The following PYGB variants were observed in gnomAD, a reference collection of about 807,000 sequenced individuals.
The protein encoded by PYGB is glycogen phosphorylase B.
PYGB carries 82 observed loss-of-function variants against 94.3 expected under a neutral mutation model. That is an observed-to-expected ratio of 0.87 (90% confidence interval 0.73 to 1.04). The LOEUF is 1.04. PYGB is among the 50% of genes least tolerant of loss of function. The pLI is 0.00. For synonymous variants in PYGB, 488 were observed against 479.1 expected, an observed-to-expected ratio of 1.02 and a Z score of -0.24; for missense variants, 1,132 against 1,158.2, an observed-to-expected ratio of 0.98 and a Z score of 0.33.
chr20:25,260,093 T>G (rs1160577296), intron 2 of PYGB, among the ~76,000 whole-genome samples: 1 of 152,148 alleles, frequency 6.6e-6, no homozygotes, highest in Non-Finnish European at 1.5e-5. Flanking sequence ...CAACATTGCC[T>G]GGGGCTCCGT....
intron 2 of PYGB, among the ~76,000 whole-genome samples, chr20:25,267,463 C>T (rs1341111034): frequency 1.3e-5 from 2 of 152,194 alleles, no homozygotes; most frequent in Non-Finnish European, 2.9e-5. Flanking sequence ...TACTGCAGTG[C>T]TCTTTTTCTG....
At chr20:25,264,315 A>G (rs963479040) in intron 2 of PYGB, among the ~76,000 whole-genome samples, 3 of 152,324 alleles carry the variant, frequency 2.0e-5, no homozygotes, top group East Asian at 1.9e-4. Context: ...CCCACAGCCA[A>G]TATCATAGTG....
At chr20:25,294,996 T>C in intron 18 of PYGB, 1 of 1,614,228 alleles carries the variant, frequency 6.2e-7, no homozygotes, top group Non-Finnish European at 8.5e-7. Context: ...GACCACATGC[T>C]GGGATCTGGG....
At chr20:25,262,228 A>G (rs572687786) in intron 2 of PYGB, among the ~76,000 whole-genome samples, 29 of 152,368 alleles carry the variant, frequency 1.9e-4, no homozygotes, top group African/African-American at 7.0e-4. Context: ...GCAACCAGAG[A>G]GAAAGGTTGG....
Position 25,284,100 on chromosome 20 carries a change from C to T in PYGB, c.1621-4C>T, listed in dbSNP as rs200133042. 6.9e-5 allele frequency: 112 copies of T among 1,613,496 alleles called. No homozygotes were observed. The African/African-American group carries it at 1.3e-3, about 19-fold the overall frequency. On this transcript the variant is annotated splice_region_variant and splice_polypyrimidine_tract_variant and intron_variant, in intron 13 of 19. Transcript: ENST00000216962. ...CCAGCCATCTTTCCCTTTCACCCTC[C>T]CAGGAGAACAAGCTCAAGTTCTCGG...
At position 25,281,111 on chromosome 20, in the gene PYGB, G is replaced by A; in HGVS notation, c.1402G>A (p.Val468Ile). ...CCACTCGGAGATCGTGAAACAGTCG[G>A]TGTGAGTGGGGCGCTTGCCCGAGCG... ...RIHSEIVKQSVFKDFYELEPE... is the reference protein window; with the variant it reads ...RIHSEIVKQSIFKDFYELEPE... The change falls in exon 11 of 20, where the codon GTC becomes ATC. Residue 468 changes from valine to isoleucine, a missense_variant and splice_region_variant. By Grantham distance (29) the Val-to-Ile change is conservative. Transcript: ENST00000216962. 4 of 1,614,138 alleles carry A rather than the reference G, an allele frequency of 2.5e-6. No individual in the cohort carries two copies. Among genetic ancestry groups the A allele is most frequent in the Non-Finnish European group, 3.4e-6 (4 of 1,179,982 alleles).
intron 15 of PYGB, among the ~76,000 whole-genome samples, chr20:25,288,808 C>G (rs1052105036): frequency 3.3e-5 from 5 of 152,220 alleles, no homozygotes; most frequent in African/African-American, 1.2e-4. Context: ...TGCTTCATCA[C>G]CTGCACATGC....
At chr20:25,279,749 C>T (rs773721917) in intron 9 of PYGB, among the ~76,000 whole-genome samples, 69 of 152,192 alleles carry the variant, frequency 4.5e-4, no homozygotes, top group Non-Finnish European at 8.2e-4. Flanking sequence ...CCAAAAGAAA[C>T]CATAAAACGA....
chr20:25,296,566 C>G lies in PYGB; in HGVS notation c.*44C>G. On this transcript the variant is annotated 3_prime_UTR_variant, in exon 20 of 20. Transcript: ENST00000216962. ...GGACCAGCGGGCATTTGTTTTCTTGCTGACTTTGCACCTCCTTTTTTCCCC... is the reference window on the plus strand; with the variant it reads ...GGACCAGCGGGCATTTGTTTTCTTGGTGACTTTGCACCTCCTTTTTTCCCC... 1 of 1,578,436 alleles carries G rather than the reference C, an allele frequency of 6.3e-7. No homozygotes were observed. The highest frequency in any genetic ancestry group is 8.6e-7 in the Non-Finnish European group (1 of 1,162,804).
intron 15 of PYGB, chr20:25,288,699 C>A: frequency 1.7e-6 from 1 of 593,242 alleles, no homozygotes; most frequent in Non-Finnish European, 2.9e-6. Flanking sequence ...GGAGGGGTCC[C>A]CAGCCTAGAG....
At chr20:25,255,436 G>C (rs1209687990) in intron 1 of PYGB, among the ~76,000 whole-genome samples, 1 of 152,248 alleles carries the variant, frequency 6.6e-6, no homozygotes, top group Non-Finnish European at 1.5e-5. Context: ...GGCCTGGCTG[G>C]TGGAACGTGG....
rs200762978 is a variant in PYGB at position 25,274,767 on chromosome 20, A to C, written c.660+44A>C. 3 of 1,596,730 alleles carry C rather than the reference A, an allele frequency of 1.9e-6. No individual in the cohort carries two copies. In the Admixed American group the frequency reaches 5.1e-5, roughly 27 times the overall value. On this transcript the variant is annotated intron_variant, in intron 5 of 19. Transcript: ENST00000216962. ...CTGCGGGCAAGGCTGGAGCCAGGTGAGGGGGCTGCTGCGGCTCATTTGTAG... is the reference window on the plus strand; with the variant it reads ...CTGCGGGCAAGGCTGGAGCCAGGTGCGGGGGCTGCTGCGGCTCATTTGTAG...
At chr20:25,273,993 G>T (rs570992493) in intron 4 of PYGB, among the ~76,000 whole-genome samples, 2 of 152,202 alleles carry the variant, frequency 1.3e-5, no homozygotes, top group Non-Finnish European at 2.9e-5. Flanking sequence ...GACTGTAGGC[G>T]TGAGCCTCCG....
At chr20:25,262,009 T>C (rs2092914667) in intron 2 of PYGB, among the ~76,000 whole-genome samples, 1 of 152,224 alleles carries the variant, frequency 6.6e-6, no homozygotes, top group Non-Finnish European at 1.5e-5. Flanking sequence ...CTGATTGATG[T>C]ATCTGAAAGT....
chr20:25,292,506 C>T lies in PYGB; in HGVS notation c.2070C>T (p.Ile690=), dbSNP rs778626594. ...MKFMLNGALT[I]GTMDGANVEM... ...TCATGCTCAACGGGGCCCTCACCAT[C>T]GGCACCATGGACGGCGCCAACGTGG... Residue 690 remains isoleucine (I), a synonymous_variant, in exon 17 of 20, where the codon ATC becomes ATT. Transcript: ENST00000216962. 9.3e-6 allele frequency: 15 copies of T among 1,613,470 alleles called. No homozygotes were observed. The highest frequency in any genetic ancestry group is 6.7e-5 in the East Asian group (3 of 44,886).
chr20:25,248,225 T>A lies in PYGB; in HGVS notation c.47T>A (p.Val16Glu). ...TDSEKRKQIS[V>E]RGLAGLGDVA... ...AGCGAGAAGCGGAAGCAGATCAGCG[T>A]GCGCGGCCTGGCGGGGCTAGGCGAC... Residue 16 changes from valine (V) to glutamate (E), a missense_variant, in exon 1 of 20, where the codon GTG (valine) becomes GAG (glutamate). By Grantham distance (121) the Val-to-Glu change is moderately radical. Coordinates refer to ENST00000216962, the MANE Select transcript of PYGB (RefSeq NM_002862.4). The A allele has an allele frequency of 6.3e-7, 1 of 1,596,064 alleles. No individual in the cohort carries two copies. Among genetic ancestry groups the A allele is most frequent in the Middle Eastern group, 1.7e-4 (1 of 6,018 alleles).
In PYGB at chr20:25,279,080, C is replaced by G; in HGVS notation, c.1023C>G (p.Thr341=). 1.2e-6 allele frequency: 2 copies of G among 1,613,256 alleles called. No individual in the cohort carries two copies. Among genetic ancestry groups the G allele is most frequent in the Non-Finnish European group, 1.7e-6 (2 of 1,179,332 alleles). Residue 341 remains threonine (T), a synonymous_variant, in exon 9 of 20, where the codon ACC becomes ACG. Transcript: ENST00000216962. ...PDKVAIQLND[T]HPALSIPELM... ...AGGTGGCCATCCAGCTGAACGACAC[C>G]CACCCCGCCCTCTCCATCCCTGAGC...
chr20:25,290,608 C>T lies in PYGB; in HGVS notation c.1955C>T (p.Ser652Phe), dbSNP rs1194880624. 1 of 1,599,418 alleles carries T rather than the reference C, an allele frequency of 6.3e-7. No individual in the cohort carries two copies. The highest frequency in any genetic ancestry group is 1.3e-5 in the African/African-American group (1 of 74,834). ...KVIFLENYRV[S>F]LAEKVIPAAD... ...ATCTTCCTGGAGAACTACCGTGTGT[C>T]CTTGGCTGAGAAAGGTAACCCTGGA... Residue 652 changes from serine (S) to phenylalanine (F), a missense_variant, in exon 16 of 20, where the codon TCC becomes TTC. Transcript: ENST00000216962.
chr20:25,281,106 A>G lies in PYGB; in HGVS notation c.1397A>G (p.Gln466Arg). 3 of 1,614,138 alleles carry G rather than the reference A, an allele frequency of 1.9e-6. No individual in the cohort carries two copies. Among genetic ancestry groups the G allele is most frequent in the Non-Finnish European group, 2.5e-6 (3 of 1,179,980 alleles). ...VARIHSEIVK[Q>R]SVFKDFYELE... The stretch of plus-strand genomic sequence containing the variant: ...AGGATCCACTCGGAGATCGTGAAAC[A>G]GTCGGTGTGAGTGGGGCGCTTGCCC... Residue 466 changes from glutamine to arginine, a missense_variant, in exon 11 of 20, where the codon CAG becomes CGG. Physicochemically the swap from Gln to Arg is conservative, Grantham distance 43. Transcript: ENST00000216962.
Sources: allele counts gnomAD v4.1 joint callset (sites outside exome capture counted in the v4.1 genomes callset), GRCh38; gene constraint gnomAD v4.1.1; transcripts MANE v1.5; gene names NCBI Gene and HGNC (gene_info 2026-07-23, HGNC 2026-07-21).